BRINP3: variants seen among roughly 807,000 people sequenced by gnomAD.
The protein encoded by BRINP3 is BMP/retinoic acid inducible neural specific 3.
In BRINP3, 19 loss-of-function variants were observed where a neutral mutation model predicts 71.0. That is an observed-to-expected ratio of 0.27 (90% confidence interval 0.19 to 0.39). The LOEUF (loss-of-function observed/expected upper bound fraction) is 0.39. Among genes scored for constraint, BRINP3 ranks in the 10% least tolerant of loss-of-function variants. The pLI is 1.00. For missense variants in BRINP3, 959 were observed against 940.8 expected (o/e 1.02, Z -0.25); for synonymous variants, 380 against 337.7 (o/e 1.13, Z -1.37).
chr1:190,205,408 C>A (rs982836586), intron 6 of BRINP3, among the ~76,000 whole-genome samples: 16 of 152,052 alleles, frequency 1.1e-4, no homozygotes, highest in African/African-American at 3.4e-4. Context: ...AGTTGATCTG[C>A]AACATCCATG....
At chr1:190,324,249 A>G (rs956073322) in intron 2 of BRINP3, among the ~76,000 whole-genome samples, 2 of 151,940 alleles carry the variant, frequency 1.3e-5, no homozygotes, top group African/African-American at 2.4e-5. Flanking sequence ...CGAAAGCTCA[A>G]TGAGAAAGAG....
chr1:190,335,737 GAAAT>G (rs1667246124), intron 2 of BRINP3, among the ~76,000 whole-genome samples: 4 of 151,886 alleles, frequency 2.6e-5, no homozygotes, highest in Non-Finnish European at 1.5e-5. Context: ...TTACCTGAAA[GAAAT>G]CATCATTACA....
chr1:190,461,614 A>G (rs772940162), intron 1 of BRINP3, among the ~76,000 whole-genome samples: 5 of 152,222 alleles, frequency 3.3e-5, no homozygotes, highest in Non-Finnish European at 5.9e-5. Flanking sequence ...CTGCATAAAT[A>G]AGTATTGTTA....
At chr1:190,239,711 C>T (rs1382663149) in intron 4 of BRINP3, among the ~76,000 whole-genome samples, 1 of 151,958 alleles carries the variant, frequency 6.6e-6, no homozygotes, top group Non-Finnish European at 1.5e-5. Context: ...GGTACCACAT[C>T]ATCTATATCT....
At chr1:190,271,625 A>T (rs1662117806) in intron 3 of BRINP3, among the ~76,000 whole-genome samples, 1 of 151,580 alleles carries the variant, frequency 6.6e-6, no homozygotes. Context: ...CCTGTCCTAT[A>T]GTCTGCAATG....
intron 2 of BRINP3, among the ~76,000 whole-genome samples, chr1:190,447,427 A>G (rs960497812): frequency 4.1e-5 from 6 of 147,418 alleles, no homozygotes; most frequent in African/African-American, 1.5e-4. Context: ...AATTTCTTAA[A>G]TAAGAAATAA....
chr1:190,384,715 T>A (rs1272701526), intron 2 of BRINP3, among the ~76,000 whole-genome samples: 6 of 151,994 alleles, frequency 3.9e-5, no homozygotes, highest in Admixed American at 2.0e-4. Flanking sequence ...ATTTAGAGAA[T>A]CAAATTAATT....
intron 3 of BRINP3, among the ~76,000 whole-genome samples, chr1:190,276,376 G>A (rs998598676): frequency 6.6e-6 from 1 of 151,660 alleles, no homozygotes; most frequent in Non-Finnish European, 1.5e-5. Context: ...AAAACTGTCT[G>A]AATACTTTAT....
intron 6 of BRINP3, among the ~76,000 whole-genome samples, chr1:190,187,190 A>T (rs1653607782): frequency 6.6e-6 from 1 of 152,042 alleles, no homozygotes; most frequent in Non-Finnish European, 1.5e-5. Flanking sequence ...AGAAATGTTC[A>T]TTTAGGTCCC....
At chr1:190,273,352 T>G (rs1662278242) in intron 3 of BRINP3, among the ~76,000 whole-genome samples, 1 of 151,566 alleles carries the variant, frequency 6.6e-6, no homozygotes, top group African/African-American at 2.4e-5. Flanking sequence ...CATCCACACA[T>G]TTTGTAGAAA....
chr1:190,139,451 CAAA>C (rs11315431), intron 7 of BRINP3, among the ~76,000 whole-genome samples: 4 of 87,584 alleles, frequency 4.6e-5, no homozygotes, highest in Non-Finnish European at 4.7e-5. Flanking sequence ...GACTCTGTCT[CAAA>C]AAAAAAAAAA....
At chr1:190,344,526 A>G (rs1472539781) in intron 2 of BRINP3, among the ~76,000 whole-genome samples, 2 of 151,890 alleles carry the variant, frequency 1.3e-5, no homozygotes, top group Non-Finnish European at 2.9e-5. Context: ...TTTTCTACTC[A>G]GTATAGCTCT....
intron 2 of BRINP3, among the ~76,000 whole-genome samples, chr1:190,386,411 A>G (rs1353245354): frequency 3.3e-5 from 5 of 151,738 alleles, no homozygotes; most frequent in African/African-American, 1.2e-4. Context: ...AATAAATACC[A>G]GATTTTAAAA....
At chr1:190,368,648 A>T (rs569487648) in intron 2 of BRINP3, among the ~76,000 whole-genome samples, 1 of 152,228 alleles carries the variant, frequency 6.6e-6, no homozygotes, top group East Asian at 1.9e-4. Flanking sequence ...AAGTTTATTG[A>T]GGGTCTGAAG....
At chr1:190,194,859 G>T (rs1654342126) in intron 6 of BRINP3, among the ~76,000 whole-genome samples, 1 of 152,004 alleles carries the variant, frequency 6.6e-6, no homozygotes, top group Non-Finnish European at 1.5e-5. Context: ...CATGAGATTT[G>T]TCTGTTCTGG....
Position 190,234,486 on chromosome 1 carries a change from C to G in BRINP3, c.619-9G>C, listed in dbSNP as rs771749058. On this transcript the variant is annotated splice_polypyrimidine_tract_variant and intron_variant, in intron 4 of 7. Transcript: ENST00000367462. ...GTCCGTGTTTCTGTTACCTGGCAAA[C>G]AAAACATCAACTTTATTATCTAAAT... The G allele has an allele frequency of 5.0e-6, 8 of 1,593,354 alleles. No individual in the cohort carries two copies. Among genetic ancestry groups the G allele is most frequent in the Non-Finnish European group, 6.9e-6 (8 of 1,162,052 alleles).
At chr1:190,166,833 C>T (rs1651587746) in intron 6 of BRINP3, among the ~76,000 whole-genome samples, 1 of 152,018 alleles carries the variant, frequency 6.6e-6, no homozygotes, top group South Asian at 2.1e-4. Context: ...AAGCGACTCT[C>T]GTCCCTCAGC....
At chr1:190,209,134 T>C (rs1655770997) in intron 6 of BRINP3, among the ~76,000 whole-genome samples, 1 of 152,146 alleles carries the variant, frequency 6.6e-6, no homozygotes, top group African/African-American at 2.4e-5. Context: ...AAATAAATTA[T>C]AATCACCAAT....
At chr1:190,217,348 C>CA (rs796107657) in intron 6 of BRINP3, among the ~76,000 whole-genome samples, 1,856 of 145,170 alleles carry the variant, frequency 0.013, 34 homozygotes, top group African/African-American at 0.04. Flanking sequence ...TGTTATGAGG[C>CA]AAAAAAAAAA....
Sources: gnomAD v4.1 joint callset for allele counts (sites outside exome capture counted in the v4.1 genomes callset) on GRCh38, gnomAD v4.1.1 for gene constraint, MANE v1.5 for transcripts, NCBI Gene and HGNC (gene_info 2026-07-23, HGNC 2026-07-21) for gene names.